The following GPC5 variants were observed in gnomAD, a reference collection of about 807,000 sequenced individuals.
GPC5 encodes the protein glypican 5, also known as glypican-5.
GPC5 carries 47 observed loss-of-function variants against 53.9 expected under a neutral mutation model. That is an observed-to-expected ratio of 0.87 (90% CI 0.69 to 1.11). The LOEUF (loss-of-function observed/expected upper bound fraction) is 1.11, where lower values mean the gene tolerates loss of function less well. Among genes scored for constraint, GPC5 ranks in the 50% most tolerant of loss-of-function variants. The pLI, the probability that GPC5 is intolerant of heterozygous loss-of-function variation, is 0.00. For synonymous variants in GPC5, 286 were observed against 263.3 expected (o/e 1.09, Z -0.84); for missense variants, 748 against 713.1 (o/e 1.05, Z -0.56).
Position 91,567,175 on chromosome 13 carries a change from T to C in GPC5, c.325+118253T>C, listed in dbSNP as rs184916578. ...AGACTGAATAGTTCAAATATCAGAA[T>C]TAAAGTCATTTAAAGGAACCTGGAG... On this transcript the variant is annotated intron_variant, in intron 2 of 7. Transcript: ENST00000377067. 3.8e-3 allele frequency among the ~76,000 whole-genome samples: 579 copies of C among 152,240 alleles called. 1 individual carries two copies. Among genetic ancestry groups the C allele is most frequent in the Admixed American group, 7.3e-3 (112 of 15,278 alleles).
At chr13:91,997,455 T>G (rs930145079) in intron 6 of GPC5, among the ~76,000 whole-genome samples, 1 of 152,120 alleles carries the variant, frequency 6.6e-6, no homozygotes, top group Non-Finnish European at 1.5e-5. Flanking sequence ...TTCCCTCTAT[T>G]TGTTAAATGT....
intron 1 of GPC5, among the ~76,000 whole-genome samples, chr13:91,422,729 G>C (rs1177793849): frequency 6.6e-6 from 1 of 152,148 alleles, no homozygotes; most frequent in Non-Finnish European, 1.5e-5. Context: ...CCTGCTGGTG[G>C]GGACTCTGCA....
intron 2 of GPC5, among the ~76,000 whole-genome samples, chr13:91,570,119 T>C (rs186505033): frequency 3.9e-5 from 6 of 152,332 alleles, no homozygotes; most frequent in East Asian, 3.9e-4. Context: ...TGAAAATCTA[T>C]TGAACTATAA....
At chr13:92,485,276 G>A (rs985600861) in intron 7 of GPC5, among the ~76,000 whole-genome samples, 1 of 152,126 alleles carries the variant, frequency 6.6e-6, no homozygotes, top group Non-Finnish European at 1.5e-5. Context: ...ATTATAGGAA[G>A]TTGACATTTC....
chr13:92,612,099 C>T (rs1177094702), intron 7 of GPC5, among the ~76,000 whole-genome samples: 4 of 152,046 alleles, frequency 2.6e-5, no homozygotes, highest in African/African-American at 7.2e-5. Flanking sequence ...AAAAATATTA[C>T]TGCAGTTGGA....
chr13:92,151,874 A>G (rs2041909815), intron 7 of GPC5, among the ~76,000 whole-genome samples: 3 of 152,208 alleles, frequency 2.0e-5, no homozygotes, highest in Admixed American at 6.5e-5. Context: ...AGCTTAAAAA[A>G]TACTTCATAG....
intron 7 of GPC5, among the ~76,000 whole-genome samples, chr13:92,252,186 T>G (rs1389422602): frequency 6.6e-6 from 1 of 152,146 alleles, no homozygotes; most frequent in Non-Finnish European, 1.5e-5. Context: ...GCATGTACTT[T>G]TTTTAAAGAG....
intron 5 of GPC5, among the ~76,000 whole-genome samples, chr13:91,847,882 ATAT>A (rs1257403270): frequency 2.0e-5 from 3 of 152,194 alleles, no homozygotes; most frequent in Non-Finnish European, 4.4e-5. Context: ...TTTTTGAAGA[ATAT>A]TATTTATGGT....
At chr13:91,564,014 C>G (rs577761154) in intron 2 of GPC5, among the ~76,000 whole-genome samples, 1 of 152,268 alleles carries the variant, frequency 6.6e-6, no homozygotes, top group Admixed American at 6.5e-5. Context: ...ACCAACTCCT[C>G]TTTTGGGCTT....
intron 7 of GPC5, among the ~76,000 whole-genome samples, chr13:92,190,575 G>A (rs1319400992): frequency 1.3e-5 from 2 of 152,026 alleles, no homozygotes; most frequent in African/African-American, 4.8e-5. Context: ...ACAAGAGATA[G>A]GAGGAAGGAA....
At chr13:92,267,014 T>G (rs969269474) in intron 7 of GPC5, among the ~76,000 whole-genome samples, 2 of 152,168 alleles carry the variant, frequency 1.3e-5, no homozygotes, top group Non-Finnish European at 2.9e-5. Context: ...ATATCAGAGC[T>G]ATTTTTTCTT....
chr13:92,283,222 G>C (rs1479394919), intron 7 of GPC5, among the ~76,000 whole-genome samples: 2 of 152,134 alleles, frequency 1.3e-5, no homozygotes, highest in East Asian at 1.9e-4. Flanking sequence ...CCCAATACAG[G>C]AGTAACCAGA....
intron 6 of GPC5, among the ~76,000 whole-genome samples, chr13:91,993,162 G>A (rs1456960159): frequency 6.6e-6 from 1 of 152,144 alleles, no homozygotes; most frequent in African/African-American, 2.4e-5. Context: ...TATATTTGAA[G>A]TGAACAGTTT....
chr13:92,050,899 C>G (rs1274731433), intron 6 of GPC5, among the ~76,000 whole-genome samples: 3 of 152,138 alleles, frequency 2.0e-5, no homozygotes, highest in Non-Finnish European at 4.4e-5. Context: ...TATAGCAATG[C>G]TTAATTGGAC....
At chr13:92,844,505 T>C (rs1878537595) in intron 7 of GPC5, among the ~76,000 whole-genome samples, 1 of 151,700 alleles carries the variant, frequency 6.6e-6, no homozygotes, top group Admixed American at 6.6e-5. Flanking sequence ...TAATACATCT[T>C]TTTGCATTTT....
intron 7 of GPC5, among the ~76,000 whole-genome samples, chr13:92,631,931 T>C (rs548203202): frequency 9.8e-5 from 15 of 152,328 alleles, no homozygotes; most frequent in Admixed American, 9.1e-4. Context: ...TATCTCATTA[T>C]GTATATGCAA....
intron 1 of GPC5, among the ~76,000 whole-genome samples, chr13:91,440,488 T>C (rs1338019370): frequency 1.3e-5 from 2 of 152,218 alleles, no homozygotes; most frequent in Non-Finnish European, 2.9e-5. Flanking sequence ...CTCTGACCTA[T>C]AATTTATTCT....
At chr13:91,551,817 A>G (rs2030657447) in intron 2 of GPC5, among the ~76,000 whole-genome samples, 1 of 152,098 alleles carries the variant, frequency 6.6e-6, no homozygotes, top group Non-Finnish European at 1.5e-5. Context: ...ATGAAAAATT[A>G]TGGTCAGGAT....
chr13:92,139,785 A>T (rs1002284949), intron 6 of GPC5, among the ~76,000 whole-genome samples: 4 of 152,168 alleles, frequency 2.6e-5, no homozygotes, highest in Admixed American at 2.6e-4. Context: ...TTTCTAGAAC[A>T]TCAGGGTCTT....
Sources: gnomAD v4.1 joint callset for allele counts (sites outside exome capture counted in the v4.1 genomes callset) on GRCh38, gnomAD v4.1.1 for gene constraint, MANE v1.5 for transcripts, NCBI Gene and HGNC (gene_info 2026-07-23, HGNC 2026-07-21) for gene names.